The following GRM7 variants were observed in gnomAD, a reference collection of about 807,000 sequenced individuals.
GRM7 encodes the protein glutamate metabotropic receptor 7, also known as metabotropic glutamate receptor 7.
Under a neutral mutation model 84.5 loss-of-function variants are expected in GRM7, and 35 were observed. The observed-to-expected ratio is 0.41, with a 90% CI of 0.32 to 0.55. GRM7 has a LOEUF of 0.55. GRM7 is among the 20% of genes least tolerant of loss of function. The pLI is 0.19. For synonymous variants in GRM7, 487 were observed against 455.1 expected, an observed-to-expected ratio of 1.07 and a Z score of -0.89; for missense variants, 1,003 against 1,194.6, an observed-to-expected ratio of 0.84 and a Z score of 2.36.
intron 1 of GRM7, among the ~76,000 whole-genome samples, chr3:6,883,474 A>T (rs1315085369): frequency 6.6e-6 from 1 of 152,070 alleles, no homozygotes; most frequent in African/African-American, 2.4e-5. Context: ...TGTGAATATA[A>T]CTCCTTATTT....
intron 3 of GRM7, among the ~76,000 whole-genome samples, chr3:7,305,189 G>T (rs371240100): frequency 1.3e-5 from 2 of 151,994 alleles, no homozygotes; most frequent in Non-Finnish European, 2.9e-5. Flanking sequence ...CTGACTTTTA[G>T]TCATTCCCTC....
chr3:7,361,321 A>G (rs1559265860), intron 4 of GRM7, among the ~76,000 whole-genome samples: 1 of 152,044 alleles, frequency 6.6e-6, no homozygotes, highest in Non-Finnish European at 1.5e-5. Context: ...CCGAATTCTG[A>G]ACACCAGCCT....
Position 7,587,057 on chromosome 3 carries a change from G to A in GRM7, c.2451+7700G>A, listed in dbSNP as rs1035780845. Among the ~76,000 whole-genome samples the A allele has an allele frequency of 2.6e-5, 4 of 152,168 alleles. No individual in the cohort carries two copies. The East Asian group carries it at 7.7e-4, about 29-fold the overall frequency. ...GTAATATGTGTTCACTCTCCTGATTGTGGAGGTGGATTCACAGATATATAT... is the reference window on the plus strand; with the variant it reads ...GTAATATGTGTTCACTCTCCTGATTATGGAGGTGGATTCACAGATATATAT... On this transcript the variant is annotated intron_variant, in intron 8 of 9. Coordinates refer to ENST00000357716, the MANE Select transcript of GRM7 (RefSeq NM_000844.4).
intron 4 of GRM7, among the ~76,000 whole-genome samples, chr3:7,335,071 A>G (rs1701352155): frequency 6.6e-6 from 1 of 152,166 alleles, no homozygotes; most frequent in Non-Finnish European, 1.5e-5. Flanking sequence ...GACTTAACAG[A>G]TATTTACAGA....
At chr3:7,696,237 G>A (rs1390458050) in intron 9 of GRM7, among the ~76,000 whole-genome samples, 2 of 152,152 alleles carry the variant, frequency 1.3e-5, no homozygotes, top group Admixed American at 1.3e-4. Context: ...ATTGTAGAGT[G>A]TACGACATAT....
intron 7 of GRM7, among the ~76,000 whole-genome samples, chr3:7,493,520 G>A (rs867373216): frequency 6.6e-6 from 1 of 151,800 alleles, no homozygotes; most frequent in Non-Finnish European, 1.5e-5. Context: ...TGTTTACATG[G>A]TATATCTTTT....
chr3:7,698,303 T>G (rs1275879733), intron 9 of GRM7, among the ~76,000 whole-genome samples: 1 of 152,220 alleles, frequency 6.6e-6, no homozygotes, highest in South Asian at 2.1e-4. Flanking sequence ...GTGGCAGCCA[T>G]GCTGTGTGGC....
At chr3:7,124,599 A>G (rs937275987) in intron 1 of GRM7, among the ~76,000 whole-genome samples, 1 of 152,192 alleles carries the variant, frequency 6.6e-6, no homozygotes, top group Non-Finnish European at 1.5e-5. Flanking sequence ...TAAAAGATTC[A>G]TTATTTTGCC....
chr3:7,448,938 T>C (rs1697646185), intron 5 of GRM7, among the ~76,000 whole-genome samples: 1 of 152,046 alleles, frequency 6.6e-6, no homozygotes, highest in Non-Finnish European at 1.5e-5. Context: ...ATGGTCGAAA[T>C]GCCTCCGAGA....
intron 4 of GRM7, among the ~76,000 whole-genome samples, chr3:7,313,604 AATG>A (rs1160026783): frequency 3.9e-5 from 6 of 152,160 alleles, no homozygotes; most frequent in East Asian, 1.9e-4. Context: ...GGCCTTACAA[AATG>A]ATGATTTTTT....
intron 1 of GRM7, among the ~76,000 whole-genome samples, chr3:7,017,985 A>G (rs1695637281): frequency 6.6e-6 from 1 of 152,248 alleles, no homozygotes. Context: ...AAGATGATTT[A>G]TTGAAAGAAA....
At chr3:7,378,464 A>G (rs1419398590) in intron 4 of GRM7, among the ~76,000 whole-genome samples, 1 of 152,196 alleles carries the variant, frequency 6.6e-6, no homozygotes. Flanking sequence ...ACTTGAAAGA[A>G]AGAAGTCCTA....
At chr3:7,450,581 C>T (rs1215740993) in intron 5 of GRM7, among the ~76,000 whole-genome samples, 2 of 151,972 alleles carry the variant, frequency 1.3e-5, no homozygotes, top group African/African-American at 2.4e-5. Flanking sequence ...ATAATCATAA[C>T]AGTATCATTA....
intron 1 of GRM7, among the ~76,000 whole-genome samples, chr3:7,114,519 T>C (rs972235210): frequency 6.6e-6 from 1 of 152,180 alleles, no homozygotes; most frequent in Non-Finnish European, 1.5e-5. Context: ...GGATTAAACA[T>C]GCACATCTGG....
intron 1 of GRM7, among the ~76,000 whole-genome samples, chr3:7,043,748 C>T (rs1218778453): frequency 6.6e-6 from 1 of 152,194 alleles, no homozygotes; most frequent in Non-Finnish European, 1.5e-5. Context: ...CTTTGTGCAT[C>T]AATTTTTAAA....
In GRM7 at chr3:7,320,681, AGTGTGT is replaced by A. The variant is rs56313913; in HGVS notation, c.1033+14063_1033+14068del. Among the ~76,000 whole-genome samples the A allele has an allele frequency of 1.0e-3, 142 of 141,246 alleles. 1 individual carries two copies. The South Asian group carries it at 0.012, about 12-fold the overall frequency. The allele number at this position is 141,246 out of a possible 152,430, so 92.7% of individuals were successfully genotyped here. On this transcript the variant is annotated intron_variant, in intron 4 of 9. Coordinates refer to ENST00000357716, the MANE Select transcript of GRM7 (RefSeq NM_000844.4). Reference sequence around the variant, plus strand: ...TCCTGAACACCATCAGTGGGTGATCAGTGTGTGTGTGTGTGTGTGTGTGTGTGTGTG... The same window carrying A: ...TCCTGAACACCATCAGTGGGTGATCAGTGTGTGTGTGTGTGTGTGTGTGTG...
intron 4 of GRM7, among the ~76,000 whole-genome samples, chr3:7,348,934 G>A (rs1693012142): frequency 1.3e-5 from 2 of 152,034 alleles, no homozygotes; most frequent in South Asian, 2.1e-4. Context: ...TGATCAAGAG[G>A]GATGTACATC....
intron 8 of GRM7, among the ~76,000 whole-genome samples, chr3:7,584,624 A>C (rs1695424953): frequency 6.6e-6 from 1 of 152,198 alleles, no homozygotes; most frequent in Non-Finnish European, 1.5e-5. Flanking sequence ...ATAGTGCTTG[A>C]GTGCGAAAAG....
intron 2 of GRM7, among the ~76,000 whole-genome samples, chr3:7,156,584 T>C (rs1694457289): frequency 6.6e-6 from 1 of 152,144 alleles, no homozygotes; most frequent in African/African-American, 2.4e-5. Flanking sequence ...CGCATCCCCA[T>C]ATCTGTTATA....
Sources: allele counts gnomAD v4.1 joint callset (sites outside exome capture counted in the v4.1 genomes callset), GRCh38; gene constraint gnomAD v4.1.1; transcripts MANE v1.5; gene names NCBI Gene and HGNC (gene_info 2026-07-23, HGNC 2026-07-21).